FBXO6: variants seen among roughly 807,000 people sequenced by gnomAD.
FBXO6 encodes F-box protein 6.
FBXO6 carries 13 observed loss-of-function variants against 25.0 expected under a neutral mutation model. The ratio of observed to expected loss-of-function variants is 0.52; its 90% CI spans 0.34 to 0.83. FBXO6 has a LOEUF of 0.83. Ranked by LOEUF, FBXO6 falls within the 40% of genes least tolerant of loss-of-function variation. The pLI is 0.02. For synonymous variants in FBXO6, 138 were observed against 155.3 expected (o/e 0.89, Z 0.83); for missense variants, 370 against 380.2 (o/e 0.97, Z 0.22).
chr1:11,672,071 T>A, intron 4 of FBXO6, 48 bp downstream of exon 4: 1 of 1,494,974 alleles, frequency 6.7e-7, no homozygotes, highest in African/African-American at 1.4e-5. Flanking sequence ...ATGCTCCTCT[T>A]ACTGCGCTGC....
intron 1 of FBXO6, among the ~76,000 whole-genome samples, chr1:11,667,638 GAC>G (rs563481782): frequency 2.2e-4 from 34 of 151,958 alleles, no homozygotes; most frequent in African/African-American, 8.0e-4. Context: ...ATTCTGGCCT[GAC>G]ACCAAAGACA....
chr1:11,674,088 A>G lies in FBXO6; in HGVS notation c.*237A>G, dbSNP rs1204476205. The G allele has an allele frequency of 4.2e-6, 2 of 475,256 alleles. No individual in the cohort carries two copies. The highest frequency in any genetic ancestry group is 7.8e-6 in the Non-Finnish European group (2 of 257,160). The allele number at this position is 475,256 out of a possible 1,614,324, so 29.4% of individuals were successfully genotyped here. A position where few individuals can be genotyped will look rare whatever the true frequency, so the allele number is the denominator to read the frequency against. ...GGGAGACCGAGGCAGGTGGATCACG[A>G]GGTCAGGAGATAGAGACCATCCTGG... On this transcript the variant is annotated 3_prime_UTR_variant, in exon 6 of 6. Coordinates refer to ENST00000376753, the MANE Select transcript of FBXO6 (RefSeq NM_018438.6). The surrounding 1 kb of genome is among the most constrained non-coding windows in gnomAD (Gnocchi z 6.1).
At position 11,673,888 on chromosome 1, in the gene FBXO6, C is replaced by T; in HGVS notation, c.*37C>T. 6.3e-7 allele frequency: 1 copy of T among 1,598,400 alleles called. No individual in the cohort carries two copies. Among genetic ancestry groups the T allele is most frequent in the Non-Finnish European group, 8.6e-7 (1 of 1,166,378 alleles). ...CCTGTGTCTGGGTCAGCCAGAGGTT[C>T]CTCCAGGCAGGAGCTGAGCATGGGG... is the stretch of plus-strand genomic sequence containing the variant. On this transcript the variant is annotated 3_prime_UTR_variant, in exon 6 of 6. Coordinates refer to ENST00000376753, the MANE Select transcript of FBXO6 (RefSeq NM_018438.6). The surrounding 1 kb of genome is among the most constrained non-coding windows in gnomAD (Gnocchi z 4.3).
Position 11,673,222 on chromosome 1 carries a change from C to A in FBXO6, c.510-55C>A, listed in dbSNP as rs896349090. 3.2e-6 allele frequency: 5 copies of A among 1,562,918 alleles called. No individual in the cohort carries two copies. The highest frequency in any genetic ancestry group is 3.5e-6 in the Non-Finnish European group (4 of 1,154,264). ...AATGTATAGGTCCCACCTGCCCCCA[C>A]CCCTGGGGCCAGCCCTCGGTGGCTT... is the stretch of plus-strand genomic sequence containing the variant. On this transcript the variant is annotated intron_variant, in intron 4 of 5. Transcript: ENST00000376753. This position sits in a 1 kb window ranked among gnomAD's most constrained non-coding sequence, Gnocchi z 4.3.
intron 2 of FBXO6, among the ~76,000 whole-genome samples, chr1:11,669,581 C>T (rs1640547055): frequency 6.8e-6 from 1 of 146,730 alleles, no homozygotes; most frequent in Non-Finnish European, 1.5e-5. Flanking sequence ...CACAGTGACA[C>T]CTTCACATAT....
At chr1:11,667,831 G>A (rs946321247) in intron 1 of FBXO6, among the ~76,000 whole-genome samples, 6 of 152,300 alleles carry the variant, frequency 3.9e-5, no homozygotes, top group African/African-American at 1.2e-4. Flanking sequence ...GGTGGCTCAC[G>A]CCTGTAATCC....
chr1:11,672,002 C>T lies in FBXO6; in HGVS notation c.488C>T (p.Pro163Leu), dbSNP rs752678891. 23 of 1,614,138 alleles carry T rather than the reference C, an allele frequency of 1.4e-5. No homozygotes were observed. The Admixed American group carries it at 1.7e-4, about 12-fold the overall frequency. ...YWEELLDTFR[P>L]DIVVKDWFAA... is the part of the protein sequence containing the mutation. Reference sequence around the variant, plus strand: ...GAGGAGCTACTAGACACATTCCGGCCGGACATCGTGGTTAAGGACTGGTGA... The same window carrying T: ...GAGGAGCTACTAGACACATTCCGGCTGGACATCGTGGTTAAGGACTGGTGA... The change falls in exon 4 of 6, where the codon CCG (proline) becomes CTG (leucine). Residue 163 changes from proline to leucine, a missense_variant. Physicochemically the swap from Pro to Leu is moderately conservative, Grantham distance 98 (BLOSUM62 -3). Transcript: ENST00000376753.
Position 11,673,410 on chromosome 1 carries a change from G to A in FBXO6, c.643G>A (p.Glu215Lys), listed in dbSNP as rs753429525. 1 of 1,613,794 alleles carries A rather than the reference G, an allele frequency of 6.2e-7. No individual in the cohort carries two copies. The highest frequency in any genetic ancestry group is 8.5e-7 in the Non-Finnish European group (1 of 1,179,954). ...ACAGTGGAACAATGCCACATGGACA[G>A]AGGTGAGGCCTCACCCACTTGCTCT... is the stretch of plus-strand genomic sequence containing the variant. ...IQQWNNATWT[E>K]VSYTFSDYPR... The change falls in exon 5 of 6, where the codon GAG becomes AAG. Residue 215 changes from glutamate (E) to lysine (K), a missense_variant and splice_region_variant. Transcript: ENST00000376753. This position sits in a 1 kb window ranked among gnomAD's most constrained non-coding sequence, Gnocchi z 4.3.
At position 11,671,314 on chromosome 1, in the gene FBXO6, A is replaced by T; in HGVS notation, c.335A>T (p.Lys112Met). ...GATTTCAATGGTGGGGACCGCTGGA[A>T]GGTGGAGAGCCTCCCTGGAGCCCAC... ...QIDFNGGDRW[K>M]VESLPGAHGT... The change falls in exon 3 of 6, where the codon AAG becomes ATG. Residue 112 changes from lysine (K) to methionine (M), a missense_variant. Physicochemically the swap from Lys to Met is moderately conservative, Grantham distance 95 (BLOSUM62 -1). Transcript: ENST00000376753. The T allele has an allele frequency of 1.2e-6, 2 of 1,614,140 alleles. No homozygotes were observed. The highest frequency in any genetic ancestry group is 1.7e-5 in the Admixed American group (1 of 60,014).
At chr1:11,668,352 G>T (rs1640502581) in intron 1 of FBXO6, among the ~76,000 whole-genome samples, 1 of 151,050 alleles carries the variant, frequency 6.6e-6, no homozygotes, top group Non-Finnish European at 1.5e-5. Context: ...CCACTGAGGG[G>T]CTACTGTTTA....
Position 11,673,457 on chromosome 1 carries a change from C to A in FBXO6, c.645+45C>A. The A allele has an allele frequency of 6.2e-7, 1 of 1,603,528 alleles. No individual in the cohort carries two copies. Among genetic ancestry groups the A allele is most frequent in the Non-Finnish European group, 8.5e-7 (1 of 1,173,228 alleles). On this transcript the variant is annotated intron_variant, in intron 5 of 5. Coordinates refer to ENST00000376753, the MANE Select transcript of FBXO6 (RefSeq NM_018438.6). The surrounding 1 kb of genome is among the most constrained non-coding windows in gnomAD (Gnocchi z 4.3). ...CTCTCTCTACCCACTCCTCCCAGGGCCAGGATGGCAGGAAGCAAAGGGCAG... is the reference window on the plus strand; with the variant it reads ...CTCTCTCTACCCACTCCTCCCAGGGACAGGATGGCAGGAAGCAAAGGGCAG...
At chr1:11,670,349 G>C (rs946950985) in intron 2 of FBXO6, among the ~76,000 whole-genome samples, 1 of 152,068 alleles carries the variant, frequency 6.6e-6, no homozygotes, top group Admixed American at 6.6e-5. Flanking sequence ...CCTAATGGAG[G>C]CCCACCCATG....
At chr1:11,665,554 C>CT (rs70983579) in intron 1 of FBXO6, among the ~76,000 whole-genome samples, 10,059 of 37,238 alleles carry the variant, frequency 0.27, 2,959 homozygotes, top group East Asian at 0.53. Flanking sequence ...CGCGCCCGGC[C>CT]TTTTTTTTTT....
intron 4 of FBXO6, among the ~76,000 whole-genome samples, chr1:11,672,879 G>A (rs1476539908): frequency 6.6e-6 from 1 of 152,232 alleles, no homozygotes; most frequent in Non-Finnish European, 1.5e-5. Flanking sequence ...GCTGGGCTGA[G>A]CAGAGGGTGA....
chr1:11,671,544 G>C (rs745568082), intron 3 of FBXO6, 152 bp downstream of exon 3: 18 of 1,070,668 alleles, frequency 1.7e-5, no homozygotes, highest in Non-Finnish European at 2.3e-5. Flanking sequence ...ACTGCTTCCT[G>C]AAATCACTCA....
At position 11,666,630 on chromosome 1, in the gene FBXO6, C is replaced by T. The variant is rs937404810; in HGVS notation, c.-3-2026C>T. Among the ~76,000 whole-genome samples, 5 of 152,094 alleles carry T rather than the reference C, an allele frequency of 3.3e-5. 1 individual carries two copies. The highest frequency in any genetic ancestry group is 2.1e-4 in the South Asian group (1 of 4,830). On this transcript the variant is annotated intron_variant, in intron 1 of 5. Coordinates refer to ENST00000376753, the MANE Select transcript of FBXO6 (RefSeq NM_018438.6). The stretch of plus-strand genomic sequence containing the variant: ...AACTTCTGACCTTGTGATCCGCACC[C>T]CTCGGCCTCCCAAAGGGCTGGGGTT...
intron 2 of FBXO6, among the ~76,000 whole-genome samples, chr1:11,670,764 A>G (rs1012272563): frequency 6.6e-6 from 1 of 151,996 alleles, no homozygotes; most frequent in Non-Finnish European, 1.5e-5. Flanking sequence ...GCTTCACATT[A>G]GTCTTTGAGG....
At chr1:11,669,685 T>TA (rs1205907739) in intron 2 of FBXO6, among the ~76,000 whole-genome samples, 8 of 135,626 alleles carry the variant, frequency 5.9e-5, no homozygotes, top group African/African-American at 2.1e-4. Flanking sequence ...TACACATATA[T>TA]ACGTATATAT....
At chr1:11,666,388 T>C (rs1262993831) in intron 1 of FBXO6, among the ~76,000 whole-genome samples, 1 of 150,508 alleles carries the variant, frequency 6.6e-6, no homozygotes, top group Non-Finnish European at 1.5e-5. Context: ...TCTTTTCTTT[T>C]TTTTTTTTTT....
Sources: allele counts gnomAD v4.1 joint callset (sites outside exome capture counted in the v4.1 genomes callset), GRCh38; gene constraint gnomAD v4.1.1; non-coding constraint Gnocchi (gnomAD v3.1); transcripts MANE v1.5; gene names NCBI Gene and HGNC (gene_info 2026-07-23, HGNC 2026-07-21).